Variants in SLC35D2 observed in about 807,000 individuals in gnomAD.
SLC35D2 encodes the protein nucleotide sugar transporter SLC35D2.
SLC35D2 carries 43 observed loss-of-function variants against 41.8 expected under a neutral mutation model. The ratio of observed to expected loss-of-function variants is 1.03; its 90% CI spans 0.81 to 1.33. The LOEUF is 1.33. Among genes scored for constraint, SLC35D2 ranks in the 40% most tolerant of loss-of-function variants. SLC35D2 has a pLI of 0.00. For synonymous variants in SLC35D2, 150 were observed against 163.9 expected, an observed-to-expected ratio of 0.92 and a Z score of 0.65; for missense variants, 380 against 408.4, an observed-to-expected ratio of 0.93 and a Z score of 0.60.
downstream of SLC35D2, among the ~76,000 whole-genome samples, chr9:96,317,567 G>A (rs1227238904): frequency 6.6e-6 from 1 of 152,132 alleles, no homozygotes; most frequent in East Asian, 1.9e-4. Context: ...GTGGAAGCAA[G>A]TGTAAAAGTC....
chr9:96,331,636 C>G (rs1828813876), intron 9 of SLC35D2, among the ~76,000 whole-genome samples: 1 of 152,144 alleles, frequency 6.6e-6, no homozygotes, highest in African/African-American at 2.4e-5. Flanking sequence ...GCATCCTCAA[C>G]CTTGGAAAAA....
chr9:96,355,966 T>C (rs576602341), intron 4 of SLC35D2, among the ~76,000 whole-genome samples: 1 of 152,372 alleles, frequency 6.6e-6, no homozygotes, highest in South Asian at 2.1e-4. Context: ...TGACCCTTTA[T>C]GCCTCATGTT....
chr9:96,377,743 C>T (rs1007806777), intron 1 of SLC35D2, among the ~76,000 whole-genome samples: 8 of 152,064 alleles, frequency 5.3e-5, no homozygotes, highest in African/African-American at 1.9e-4. Context: ...GTGTGTGGGC[C>T]CTGAAGCCAC....
rs149897004 is a variant in SLC35D2 at position 96,351,788 on chromosome 9, G to A, written c.419+250C>T. On this transcript the variant is annotated intron_variant, in intron 5 of 11. Transcript: ENST00000253270. ...CAGGAAACAGGTTTACATCCTTTTT[G>A]GAGTGTTTCTTTTACTTTCTTACGA... Among the ~76,000 whole-genome samples the A allele has an allele frequency of 3.2e-3, 493 of 152,064 alleles. 2 individuals are homozygous for A. Among genetic ancestry groups the A allele is most frequent in the South Asian group, 5.2e-3 (25 of 4,822 alleles).
intron 9 of SLC35D2, among the ~76,000 whole-genome samples, chr9:96,331,682 C>T (rs1162498482): frequency 6.6e-6 from 1 of 152,148 alleles, no homozygotes. Flanking sequence ...GTCTCACACA[C>T]TTTTTGGTTT....
intron 10 of SLC35D2, 58 bp downstream of exon 10, chr9:96,324,033 A>G (rs1210011416): frequency 1.4e-6 from 2 of 1,449,262 alleles, no homozygotes; most frequent in South Asian, 2.3e-5. Flanking sequence ...CTCCCATGGA[A>G]TATTTGGATT....
rs4742939 is a variant in SLC35D2, at chr9:96,375,153, G to A, written c.159-6848C>T. 2.6e-3 allele frequency among the ~76,000 whole-genome samples: 400 copies of A among 151,188 alleles called. 1 individual carries two copies. The highest frequency in any genetic ancestry group is 9.0e-3 in the African/African-American group (373 of 41,320). On this transcript the variant is annotated intron_variant, in intron 1 of 11. Coordinates refer to ENST00000253270, the MANE Select transcript of SLC35D2 (RefSeq NM_007001.3). ...ATTACAAGCGCCCACCACGATGCCC[G>A]GCTAATTTTTGTATTTTTAGTAGCG...
In SLC35D2 at chr9:96,351,131, T is replaced by A. The variant is rs1228041925; in HGVS notation, c.460A>T (p.Ile154Phe). Residue 154 changes from isoleucine to phenylalanine, a missense_variant, in exon 6 of 12, where the codon ATT becomes TTT. Coordinates refer to ENST00000253270, the MANE Select transcript of SLC35D2 (RefSeq NM_007001.3). ...GCTGCTATGAAAGCCCCGAGAATAA[T>A]GGCAAAGACACTGAGGATGATGTTG... ...SLNIILSVFA[I>F]ILGAFIAAGS... 1.2e-6 allele frequency: 2 copies of A among 1,612,922 alleles called. No homozygotes were observed. Among genetic ancestry groups the A allele is most frequent in the Admixed American group, 3.3e-5 (2 of 60,010 alleles).
chr9:96,359,830 T>G (rs35218578), intron 4 of SLC35D2, among the ~76,000 whole-genome samples: 3,993 of 152,278 alleles, frequency 0.026, 78 homozygotes, highest in Middle Eastern at 0.054. Flanking sequence ...CTTATAAAAC[T>G]GAGATGAAAC....
At position 96,324,196 on chromosome 9, in the gene SLC35D2, T is replaced by C. The variant is rs115818542; in HGVS notation, c.753-27A>G. 1.4e-3 allele frequency: 2,272 copies of C among 1,598,008 alleles called. 28 individuals carry two copies. In the African/African-American group the frequency reaches 0.027, roughly 19 times the overall value. On this transcript the variant is annotated intron_variant, in intron 9 of 11. Coordinates refer to ENST00000253270, the MANE Select transcript of SLC35D2 (RefSeq NM_007001.3). ...TGTGACAAGGAAGCAGACACTGGAG[T>C]GTGTGCCTCACTACGCTGGGTAATG...
rs1045889111 is a variant in SLC35D2 at position 96,382,291 on chromosome 9, C to CA, written c.158+1185dup. Among the ~76,000 whole-genome samples, 32 of 151,626 alleles carry CA rather than the reference C, an allele frequency of 2.1e-4. 1 individual carries two copies. The highest frequency in any genetic ancestry group is 7.8e-4 in the African/African-American group (32 of 41,250). On this transcript the variant is annotated intron_variant, in intron 1 of 11. Transcript: ENST00000253270. ...GAAACACACTGAGACCCCACCTCTA[C>CA]AAAAAATCAAAAAAATTGCCGGTGC... is the stretch of plus-strand genomic sequence containing the variant.
In SLC35D2 at chr9:96,350,347, CTTT is replaced by C. The variant is rs57531044; in HGVS notation, c.488+753_488+755del. ...CACGACGCCAGGCTAATTTTCTTTC[CTTT>C]TTTTTTTTTTTTTTTTTTTTTTTTG... is the stretch of plus-strand genomic sequence containing the variant. On this transcript the variant is annotated intron_variant, in intron 6 of 11. Coordinates refer to ENST00000253270, the MANE Select transcript of SLC35D2 (RefSeq NM_007001.3). 4.4e-5 allele frequency among the ~76,000 whole-genome samples: 4 copies of C among 91,006 alleles called. No individual in the cohort carries two copies. The South Asian group carries it at 1.5e-3, about 33-fold the overall frequency. The allele number at this position is 91,006 out of a possible 152,430, so 59.7% of individuals were successfully genotyped here.
chr9:96,339,931 G>T (rs993743980), intron 8 of SLC35D2, among the ~76,000 whole-genome samples: 1 of 152,152 alleles, frequency 6.6e-6, no homozygotes, highest in Non-Finnish European at 1.5e-5. Context: ...CTTCTCCATC[G>T]CTCCTAGTCC....
intron 1 of SLC35D2, among the ~76,000 whole-genome samples, chr9:96,381,575 C>T (rs1831200584): frequency 6.6e-6 from 1 of 152,196 alleles, no homozygotes; most frequent in African/African-American, 2.4e-5. Context: ...CTCTCTCCCT[C>T]ACTCCCTTTC....
At chr9:96,372,995 G>A (rs566840308) in intron 1 of SLC35D2, among the ~76,000 whole-genome samples, 4 of 151,384 alleles carry the variant, frequency 2.6e-5, no homozygotes, top group Non-Finnish European at 5.9e-5. Context: ...TGCCTCCTGG[G>A]TTCAAGCAAT....
At chr9:96,315,035 C>G (rs1275348424) in intron 11 of SLC35D2, 1 of 152,172 alleles carries the variant, frequency 6.6e-6, no homozygotes, top group African/African-American at 2.4e-5. Flanking sequence ...ACTGTAATTA[C>G]TTCTCTTTTT....
chr9:96,360,557 G>A (rs1464700627), intron 3 of SLC35D2, among the ~76,000 whole-genome samples: 12 of 147,192 alleles, frequency 8.2e-5, no homozygotes, highest in African/African-American at 2.3e-4. Context: ...TGAACCCGGC[G>A]GGCAGAGGTT....
At chr9:96,323,389 C>T (rs12352809) in intron 10 of SLC35D2, among the ~76,000 whole-genome samples, 22,184 of 152,066 alleles carry the variant, frequency 0.15, 1,916 homozygotes, top group East Asian at 0.28. Flanking sequence ...CATGATCTCA[C>T]CACACAGCAT....
intron 6 of SLC35D2, among the ~76,000 whole-genome samples, chr9:96,347,397 T>C (rs1357453988): frequency 6.6e-6 from 1 of 152,206 alleles, no homozygotes; most frequent in Non-Finnish European, 1.5e-5. Context: ...AGGCCAGTGG[T>C]GACAGCACAG....
Sources: gnomAD v4.1 joint callset for allele counts (sites outside exome capture counted in the v4.1 genomes callset) on GRCh38, gnomAD v4.1.1 for gene constraint, MANE v1.5 for transcripts, NCBI Gene and HGNC (gene_info 2026-07-23, HGNC 2026-07-21) for gene names.